The following SNX27 variants were observed in gnomAD, a reference collection of about 807,000 sequenced individuals.
SNX27 encodes sorting nexin-27.
In SNX27, 22 loss-of-function variants were observed where a neutral mutation model predicts 71.6. The ratio of observed to expected loss-of-function variants is 0.31; its 90% CI spans 0.22 to 0.44. The LOEUF (loss-of-function observed/expected upper bound fraction) is 0.44, where lower values mean the gene tolerates loss of function less well. SNX27 is among the 20% of genes least tolerant of loss of function. The probability of loss-of-function intolerance (pLI) is 1.00; values close to 1 mark genes in which losing one functional copy is unlikely to be tolerated. For missense variants in SNX27, 531 were observed against 698.6 expected, an observed-to-expected ratio of 0.76 and a Z score of 2.70; for synonymous variants, 269 against 277.2, an observed-to-expected ratio of 0.97 and a Z score of 0.29.
chr1:151,658,556 A>C (rs1669806118), intron 3 of SNX27, 129 bp downstream of exon 3: 6 of 924,868 alleles, frequency 6.5e-6, no homozygotes, highest in African/African-American at 1.7e-5. Flanking sequence ...CTAAGTATTG[A>C]ATGATCTGAA....
rs900444342 is a variant in SNX27, at chr1:151,693,832, A to G, written c.1578+349A>G. 4.2e-6 allele frequency: 6 copies of G among 1,437,896 alleles called. No individual in the cohort carries two copies. The African/African-American group carries it at 7.2e-5, about 17-fold the overall frequency. The allele number at this position is 1,437,896 out of a possible 1,614,324, so 89.1% of individuals were successfully genotyped here. On this transcript the variant is annotated intron_variant, in intron 11 of 11. Coordinates refer to ENST00000458013, the MANE Select transcript of SNX27 (RefSeq NM_001330723.2). ...CACAGGGGAAGCTGTCCTCAGTTGT[A>G]GCCGTCTTGACTGGATGAGTCCTGG... is the stretch of plus-strand genomic sequence containing the variant.
At chr1:151,628,387 T>C (rs1406932559) in intron 1 of SNX27, among the ~76,000 whole-genome samples, 2 of 152,222 alleles carry the variant, frequency 1.3e-5, no homozygotes, top group Non-Finnish European at 2.9e-5. Flanking sequence ...TGTTTATTCA[T>C]CTATTGAAGG....
intron 1 of SNX27, among the ~76,000 whole-genome samples, chr1:151,636,015 A>G (rs1474750254): frequency 6.6e-6 from 1 of 152,144 alleles, no homozygotes; most frequent in African/African-American, 2.4e-5. Context: ...ATAGTTCTGA[A>G]TCTTTTTGGA....
intron 6 of SNX27, among the ~76,000 whole-genome samples, chr1:151,667,775 C>G (rs984679699): frequency 5.0e-5 from 7 of 139,000 alleles, no homozygotes; most frequent in Admixed American, 1.6e-4. Context: ...TGCAGTGAGC[C>G]GAGATCCCGC....
chr1:151,692,726 C>G (rs749900832), intron 9 of SNX27, 142 bp downstream of exon 9: 39 of 1,391,446 alleles, frequency 2.8e-5, no homozygotes, highest in Non-Finnish European at 3.5e-5. Flanking sequence ...GCATGGAATC[C>G]ACACTGATCC....
intron 1 of SNX27, among the ~76,000 whole-genome samples, chr1:151,614,962 C>T (rs558950294): frequency 3.3e-5 from 5 of 152,166 alleles, no homozygotes; most frequent in Non-Finnish European, 5.9e-5. Context: ...GCCCAAGAGC[C>T]TAGGTATAAA....
At chr1:151,649,741 A>G (rs1247139973) in intron 2 of SNX27, among the ~76,000 whole-genome samples, 2 of 152,098 alleles carry the variant, frequency 1.3e-5, no homozygotes, top group East Asian at 3.9e-4. Context: ...GGTCTCACTC[A>G]GTCATCCAGG....
At chr1:151,629,704 C>T (rs1668126196) in intron 1 of SNX27, among the ~76,000 whole-genome samples, 1 of 150,784 alleles carries the variant, frequency 6.6e-6, no homozygotes, top group Non-Finnish European at 1.5e-5. Flanking sequence ...CTGCCTGAGC[C>T]TCCTGAGGGT....
At position 151,697,699 on chromosome 1, in the gene SNX27, C is replaced by T. The variant is rs865914460; in HGVS notation, c.*3282C>T. ...TGTTGTGACTCTTCTCTCTCCCCTT[C>T]CTCTGCACTTCCTTTCTGTAATCCC... is the stretch of plus-strand genomic sequence containing the variant. On this transcript the variant is annotated 3_prime_UTR_variant, in exon 12 of 12. Transcript: ENST00000458013. 6.5e-6 allele frequency: 1 copy of T among 152,902 alleles called. No individual in the cohort carries two copies. The highest frequency in any genetic ancestry group is 1.5e-5 in the Non-Finnish European group (1 of 68,242). The allele number at this position is 152,902 out of a possible 1,614,324, so 9.5% of individuals were successfully genotyped here. A position where few individuals can be genotyped will look rare whatever the true frequency, so the allele number is the denominator to read the frequency against.
At chr1:151,685,746 A>G (rs1671170795) in intron 8 of SNX27, among the ~76,000 whole-genome samples, 1 of 152,232 alleles carries the variant, frequency 6.6e-6, no homozygotes, top group Non-Finnish European at 1.5e-5. Flanking sequence ...GTAATCTTAT[A>G]TCTAGCTAAG....
At chr1:151,641,630 T>TATATATATATATAA (rs1668741460) in intron 2 of SNX27, among the ~76,000 whole-genome samples, 1 of 93,296 alleles carries the variant, frequency 1.1e-5, no homozygotes, top group African/African-American at 3.6e-5. Flanking sequence ...TATATATATA[T>TATATATATATATAA]CATATGTATC....
intron 1 of SNX27, among the ~76,000 whole-genome samples, chr1:151,621,464 T>A (rs560783825): frequency 6.6e-6 from 1 of 152,186 alleles, no homozygotes; most frequent in Non-Finnish European, 1.5e-5. Context: ...GTCTGAAACT[T>A]TTTAGATTCT....
At chr1:151,693,872 G>A (rs558327774) in intron 11 of SNX27, 21 of 1,404,216 alleles carry the variant, frequency 1.5e-5, no homozygotes, top group South Asian at 6.8e-5. Flanking sequence ...CTTTCTAGGC[G>A]AACCAAGAAT....
intron 2 of SNX27, among the ~76,000 whole-genome samples, chr1:151,656,117 G>A (rs1026010641): frequency 2.0e-5 from 3 of 151,860 alleles, no homozygotes; most frequent in African/African-American, 7.3e-5. Flanking sequence ...CAGCTACTTG[G>A]GAGGCAGAGG....
At position 151,663,444 on chromosome 1, in the gene SNX27, C is replaced by T. The variant is rs189215641; in HGVS notation, c.906+1174C>T. Among the ~76,000 whole-genome samples, 73 of 152,232 alleles carry T rather than the reference C, an allele frequency of 4.8e-4. No homozygotes were observed. The South Asian group carries it at 8.9e-3, about 19-fold the overall frequency. ...GGATTACAGGCATGAGCCACCACCC[C>T]GGCCTCACATTTGATTTTTATGTTT... On this transcript the variant is annotated intron_variant, in intron 5 of 11. Coordinates refer to ENST00000458013, the MANE Select transcript of SNX27 (RefSeq NM_001330723.2).
chr1:151,623,290 G>A (rs987010535), intron 1 of SNX27, among the ~76,000 whole-genome samples: 11 of 152,174 alleles, frequency 7.2e-5, no homozygotes, highest in Middle Eastern at 3.2e-3. Context: ...ACAGGTGCGG[G>A]CCACCATACT....
At chr1:151,674,677 A>G (rs2102705903) in intron 7 of SNX27, among the ~76,000 whole-genome samples, 1 of 151,686 alleles carries the variant, frequency 6.6e-6, no homozygotes, top group Non-Finnish European at 1.5e-5. Context: ...AAAGGATCTC[A>G]GAATTTGATT....
intron 7 of SNX27, among the ~76,000 whole-genome samples, chr1:151,670,710 A>G (rs1670421586): frequency 1.3e-5 from 2 of 151,958 alleles, no homozygotes; most frequent in South Asian, 4.2e-4. Flanking sequence ...GTAGTTTGCA[A>G]ATATTTTCTC....
intron 1 of SNX27, among the ~76,000 whole-genome samples, chr1:151,624,116 C>T (rs1408336780): frequency 6.6e-6 from 1 of 151,942 alleles, no homozygotes; most frequent in Admixed American, 6.6e-5. Flanking sequence ...GTGTGTGCCA[C>T]CATACACAGC....
Sources: gnomAD v4.1 joint callset for allele counts (sites outside exome capture counted in the v4.1 genomes callset) on GRCh38, gnomAD v4.1.1 for gene constraint, MANE v1.5 for transcripts, NCBI Gene and HGNC (gene_info 2026-07-23, HGNC 2026-07-21) for gene names.